The following FAH variants were observed in gnomAD, a reference collection of about 807,000 sequenced individuals.
FAH encodes fumarylacetoacetase.
A neutral mutation model predicts 55.8 loss-of-function variants in FAH; 47 were observed. That is an observed-to-expected ratio of 0.84 (90% CI 0.67 to 1.07). FAH has a LOEUF of 1.07. Ranked by LOEUF, FAH falls within the 50% of genes least tolerant of loss-of-function variation. FAH has a pLI of 0.00. For missense variants in FAH, 495 were observed against 545.9 expected (o/e 0.91, Z 0.93); for synonymous variants, 199 against 207.7 (o/e 0.96, Z 0.36).
intron 1 of FAH, chr15:80,156,725 G>A (rs1259533308): frequency 6.6e-6 from 1 of 152,204 alleles, no homozygotes; most frequent in East Asian, 1.9e-4. Context: ...TCCTGGATCT[G>A]ACCTGTGAGC....
chr15:80,155,087 C>T (rs2041087070), intron 1 of FAH, among the ~76,000 whole-genome samples: 1 of 152,226 alleles, frequency 6.6e-6, no homozygotes, highest in African/African-American at 2.4e-5. Context: ...TCCTTCTGCT[C>T]TCTATATGCT....
rs771353915 is a variant in FAH at position 80,168,113 on chromosome 15, A to T, written c.517A>T (p.Ile173Phe). The T allele has an allele frequency of 6.2e-7, 1 of 1,613,992 alleles. No homozygotes were observed. The highest frequency in any genetic ancestry group is 8.5e-7 in the Non-Finnish European group (1 of 1,180,020). ...ASSVVVSGTP[I>F]RRPMGQMKPD... ...CTCTGTCGTGGTGTCTGGCACCCCAATCCGAAGGCCCATGGGACAGATGAA... is the reference window on the plus strand; with the variant it reads ...CTCTGTCGTGGTGTCTGGCACCCCATTCCGAAGGCCCATGGGACAGATGAA... The change falls in exon 6 of 14, where the codon ATC becomes TTC. Residue 173 changes from isoleucine (I) to phenylalanine (F), a missense_variant. Coordinates refer to ENST00000561421, the MANE Select transcript of FAH (RefSeq NM_000137.4).
intron 4 of FAH, 61 bp downstream of exon 4, chr15:80,160,520 C>G: frequency 6.5e-7 from 1 of 1,538,506 alleles, no homozygotes; most frequent in Non-Finnish European, 9.0e-7. Flanking sequence ...AGAGGGCTGG[C>G]CAGGTGCTTT....
At chr15:80,163,119 G>T (rs953501197) in intron 5 of FAH, 4 of 152,534 alleles carry the variant, frequency 2.6e-5, no homozygotes, top group South Asian at 2.1e-4. Context: ...ATGAGGGGAG[G>T]GTCTGTTAGA....
At chr15:80,161,821 G>T (rs2041152167) in intron 4 of FAH, among the ~76,000 whole-genome samples, 1 of 152,220 alleles carries the variant, frequency 6.6e-6, no homozygotes, top group African/African-American at 2.4e-5. Context: ...AGCAGGGAGG[G>T]CTTCAGGGAG....
intron 10 of FAH, among the ~76,000 whole-genome samples, chr15:80,176,054 C>T (rs60181128): frequency 0.24 from 35,824 of 151,642 alleles, 4,418 homozygotes; most frequent in East Asian, 0.28. Flanking sequence ...TTTCACTCTT[C>T]TTGCCCAGGC....
Position 80,177,698 on chromosome 15 carries a change from G to A in FAH, c.960+115G>A, listed in dbSNP as rs2162550. On this transcript the variant is annotated intron_variant, in intron 11 of 13. Coordinates refer to ENST00000561421, the MANE Select transcript of FAH (RefSeq NM_000137.4). ...TTGGGATATGATGATGGGTCAGCCTGTGGGCCTGGAGCTTCCATGGCCTGT... is the reference window on the plus strand; with the variant it reads ...TTGGGATATGATGATGGGTCAGCCTATGGGCCTGGAGCTTCCATGGCCTGT... 0.28 allele frequency: 281,427 copies of A among 987,644 alleles called. 42,881 individuals carry two copies. The highest frequency in any genetic ancestry group is 0.55 in the East Asian group (22,667 of 41,384). 61.2% of individuals were successfully genotyped at this position (987,644 alleles called of 1,614,324 possible).
chr15:80,155,992 C>A, intron 1 of FAH: 1 of 467,364 alleles, frequency 2.1e-6, no homozygotes, highest in Non-Finnish European at 4.2e-6. Context: ...TGAAGCACAG[C>A]ACCACAGGGA....
At chr15:80,153,187 G>A (rs1434937359) in intron 1 of FAH, 52 bp downstream of exon 1, 6 of 1,058,474 alleles carry the variant, frequency 5.7e-6, no homozygotes, top group Non-Finnish European at 8.3e-6. Flanking sequence ...GGAGTGGAGT[G>A]GAGTGGAGTG....
chr15:80,182,653 TATA>T (rs2041340748), intron 13 of FAH, among the ~76,000 whole-genome samples: 1 of 152,206 alleles, frequency 6.6e-6, no homozygotes, highest in Non-Finnish European at 1.5e-5. Context: ...CCTTTGATGA[TATA>T]ATATCATTGC....
chr15:80,156,581 T>G (rs2041102702), intron 1 of FAH: 1 of 152,222 alleles, frequency 6.6e-6, no homozygotes, highest in Admixed American at 6.5e-5. Context: ...TGCACATTCA[T>G]TCTCTTGAAG....
chr15:80,176,599 A>G (rs2041286208), intron 10 of FAH, among the ~76,000 whole-genome samples: 1 of 152,194 alleles, frequency 6.6e-6, no homozygotes, highest in African/African-American at 2.4e-5. Context: ...ATTCACCCCG[A>G]GCCACCTACC....
intron 11 of FAH, 71 bp downstream of exon 11, chr15:80,177,654 C>A (rs749860701): frequency 2.1e-5 from 29 of 1,378,410 alleles, no homozygotes; most frequent in Non-Finnish European, 3.0e-5. Flanking sequence ...CTGGCAGGAA[C>A]AGGAGGAGAG....
chr15:80,182,359 C>G (rs1421724753), intron 13 of FAH, among the ~76,000 whole-genome samples: 2 of 152,172 alleles, frequency 1.3e-5, no homozygotes, highest in Non-Finnish European at 2.9e-5. Context: ...CTCCAGAGCT[C>G]TTGGAGAGCA....
At chr15:80,178,326 C>T (rs937813171) in intron 11 of FAH, among the ~76,000 whole-genome samples, 11 of 152,188 alleles carry the variant, frequency 7.2e-5, no homozygotes, top group African/African-American at 1.2e-4. Flanking sequence ...TCAGCAGCCC[C>T]GTGGGGCCCT....
intron 1 of FAH, chr15:80,157,129 C>T (rs991736811): frequency 1.3e-5 from 2 of 152,330 alleles, no homozygotes; most frequent in African/African-American, 2.4e-5. Flanking sequence ...CTAAGCTCTC[C>T]AGGCAGCCTC....
Position 80,159,803 on chromosome 15 carries a change from G to A in FAH, c.240G>A (p.Glu80=). The A allele has an allele frequency of 6.2e-7, 1 of 1,614,228 alleles. No individual in the cohort carries two copies. Among genetic ancestry groups the A allele is most frequent in the Non-Finnish European group, 8.5e-7 (1 of 1,180,038 alleles). Residue 80 remains glutamate (E), a synonymous_variant, in exon 3 of 14, where the codon GAG becomes GAA. Coordinates refer to ENST00000561421, the MANE Select transcript of FAH (RefSeq NM_000137.4). ...FMGLGQAAWK[E]ARVFLQNLLS... ...GCCTGGGTCAGGCTGCCTGGAAGGAGGCGAGAGTGTTCTTGCAGAACTTGC... is the reference window on the plus strand; with the variant it reads ...GCCTGGGTCAGGCTGCCTGGAAGGAAGCGAGAGTGTTCTTGCAGAACTTGC...
chr15:80,185,512 C>CT (rs1302059132), intron 13 of FAH, among the ~76,000 whole-genome samples: 1 of 152,166 alleles, frequency 6.6e-6, no homozygotes, highest in African/African-American at 2.4e-5. Context: ...CTGTATTAGT[C>CT]TGTTTTCACA....
intron 11 of FAH, among the ~76,000 whole-genome samples, chr15:80,178,360 C>G (rs1311206271): frequency 1.3e-5 from 2 of 152,134 alleles, no homozygotes; most frequent in Non-Finnish European, 2.9e-5. Flanking sequence ...TCACTCCCTC[C>G]AGCAAAGGTC....
Sources: gnomAD v4.1 joint callset for allele counts (sites outside exome capture counted in the v4.1 genomes callset) on GRCh38, gnomAD v4.1.1 for gene constraint, MANE v1.5 for transcripts, NCBI Gene and HGNC (gene_info 2026-07-23, HGNC 2026-07-21) for gene names.